RPTOR: variants seen among roughly 807,000 people sequenced by gnomAD.
RPTOR encodes regulatory associated protein of MTOR complex 1.
RPTOR carries 21 observed loss-of-function variants against 169.9 expected under a neutral mutation model. The ratio of observed to expected loss-of-function variants is 0.12; its 90% CI spans 0.09 to 0.18. RPTOR has a LOEUF of 0.18. Ranked by LOEUF, RPTOR falls within the 10% of genes least tolerant of loss-of-function variation. RPTOR has a pLI of 1.00. For missense variants in RPTOR, 1,133 were observed against 1,855.9 expected, an observed-to-expected ratio of 0.61 and a Z score of 7.16; for synonymous variants, 732 against 753.2, an observed-to-expected ratio of 0.97 and a Z score of 0.46.
At chr17:80,774,491 C>T (rs185209962) in intron 6 of RPTOR, among the ~76,000 whole-genome samples, 6 of 152,328 alleles carry the variant, frequency 3.9e-5, no homozygotes, top group East Asian at 3.9e-4. Flanking sequence ...CGCGTGCGGC[C>T]GTCTGGGGTG....
chr17:80,755,004 G>A (rs1405907748), intron 6 of RPTOR, among the ~76,000 whole-genome samples: 2 of 152,162 alleles, frequency 1.3e-5, no homozygotes, highest in Non-Finnish European at 2.9e-5. Flanking sequence ...CTCACCCACA[G>A]CCCTGGGCGG....
intron 29 of RPTOR, among the ~76,000 whole-genome samples, chr17:80,958,987 G>A (rs1373075545): frequency 1.3e-5 from 2 of 152,240 alleles, no homozygotes; most frequent in African/African-American, 4.8e-5. Flanking sequence ...TCTCTCCCGG[G>A]CAGGCCATCT....
At chr17:80,777,616 T>C (rs549899920) in intron 6 of RPTOR, among the ~76,000 whole-genome samples, 2 of 152,232 alleles carry the variant, frequency 1.3e-5, no homozygotes, top group Admixed American at 6.5e-5. Context: ...GTCCATCTTA[T>C]CTATTTTGTT....
intron 2 of RPTOR, 29 bp downstream of exon 2, chr17:80,625,822 C>T: frequency 6.6e-7 from 1 of 1,507,432 alleles, no homozygotes; most frequent in Non-Finnish European, 9.2e-7. Context: ...CGCGCTGCCA[C>T]AAAGGCCGTC....
intron 3 of RPTOR, among the ~76,000 whole-genome samples, chr17:80,663,129 G>A (rs189973274): frequency 7.9e-5 from 12 of 152,092 alleles, no homozygotes; most frequent in African/African-American, 9.7e-5. Context: ...TCTGAGACTC[G>A]TCCGGGCGGC....
intron 3 of RPTOR, among the ~76,000 whole-genome samples, chr17:80,669,993 G>T (rs2065809679): frequency 6.6e-6 from 1 of 152,272 alleles, no homozygotes; most frequent in Non-Finnish European, 1.5e-5. Flanking sequence ...GATTTGTCTT[G>T]TCTGAGTGGA....
chr17:80,880,256 A>C (rs6420478), intron 13 of RPTOR, among the ~76,000 whole-genome samples, 159 bp from the exon 14 acceptor site: 2 of 152,144 alleles, frequency 1.3e-5, no homozygotes, highest in East Asian at 1.9e-4. Flanking sequence ...GTCTGCAGGC[A>C]CCGGCTGCAG....
At chr17:80,650,004 C>T (rs920635375) in intron 3 of RPTOR, among the ~76,000 whole-genome samples, 1 of 152,238 alleles carries the variant, frequency 6.6e-6, no homozygotes, top group African/African-American at 2.4e-5. Context: ...ACCAATTGCA[C>T]CAGAGCATAA....
rs535120538 is a variant in RPTOR, at chr17:80,936,103, T to C, written c.2920-4393T>C. On this transcript the variant is annotated intron_variant, in intron 24 of 33. Transcript: ENST00000306801. This position sits in a 1 kb window ranked among gnomAD's most constrained non-coding sequence, Gnocchi z 4.1. ...ACAGGTGGCAAATAAGGACATGGAA[T>C]GATGCTCATTGTTAAGGATCTTAAT... 2.6e-5 allele frequency among the ~76,000 whole-genome samples: 4 copies of C among 152,350 alleles called. No individual in the cohort carries two copies. The highest frequency in any genetic ancestry group is 9.6e-5 in the African/African-American group (4 of 41,574).
chr17:80,780,686 C>G (rs1028560268), intron 6 of RPTOR, among the ~76,000 whole-genome samples: 9 of 152,262 alleles, frequency 5.9e-5, no homozygotes, highest in African/African-American at 2.2e-4. Flanking sequence ...TTTGCACACA[C>G]GTCAGGTGAG....
At chr17:80,827,517 C>A (rs778501552) in intron 9 of RPTOR, among the ~76,000 whole-genome samples, 2 of 152,202 alleles carry the variant, frequency 1.3e-5, no homozygotes, top group Non-Finnish European at 2.9e-5. Flanking sequence ...TCACCTAGTG[C>A]CACACACAGT....
At position 80,799,506 on chromosome 17, in the gene RPTOR, A is replaced by T. The variant is rs148003604; in HGVS notation, c.890+7997A>T. ...CTGTTTCATTCTTTTGTCTCAACTC[A>T]CCACATGGAAATTTCTTGCCCTTGA... On this transcript the variant is annotated intron_variant, in intron 7 of 33. Coordinates refer to ENST00000306801, the MANE Select transcript of RPTOR (RefSeq NM_020761.3). 3.8e-3 allele frequency among the ~76,000 whole-genome samples: 573 copies of T among 152,282 alleles called. 1 individual carries two copies. The highest frequency in any genetic ancestry group is 0.013 in the African/African-American group (551 of 41,540).
chr17:80,603,708 C>G (rs2065208102), intron 1 of RPTOR, among the ~76,000 whole-genome samples: 1 of 152,144 alleles, frequency 6.6e-6, no homozygotes, highest in African/African-American at 2.4e-5. Context: ...GCCCCGCCCC[C>G]ATGGAGGCTC....
intron 1 of RPTOR, among the ~76,000 whole-genome samples, chr17:80,625,095 G>C (rs1033928890): frequency 1.3e-5 from 2 of 152,194 alleles, no homozygotes; most frequent in African/African-American, 4.8e-5. Context: ...CTGTGGATTT[G>C]AGGGCCGAGA....
chr17:80,846,890 C>A (rs112443291), intron 11 of RPTOR, among the ~76,000 whole-genome samples: 6,729 of 152,342 alleles, frequency 0.044, 251 homozygotes, highest in Admixed American at 0.1. Flanking sequence ...CATCATCCCC[C>A]TCTCCCCTGG....
At chr17:80,771,944 C>G (rs892574559) in intron 6 of RPTOR, among the ~76,000 whole-genome samples, 46 of 152,332 alleles carry the variant, frequency 3.0e-4, no homozygotes, top group African/African-American at 1.0e-3. Context: ...CTCAGCCTCC[C>G]TGGTAACTGG....
rs900154309 is a variant in RPTOR at position 80,844,401 on chromosome 17, G to A, written c.1213-2072G>A. On this transcript the variant is annotated intron_variant, in intron 10 of 33. Transcript: ENST00000306801. The surrounding 1 kb of genome is among the most constrained non-coding windows in gnomAD (Gnocchi z 4.7). ...TCAGGCAAAGCTAATGTGATAGAAA[G>A]AAGAGGTGTAACTATCTGAATTACC... 5.3e-5 allele frequency among the ~76,000 whole-genome samples: 8 copies of A among 152,226 alleles called. No homozygotes were observed. Among genetic ancestry groups the A allele is most frequent in the African/African-American group, 1.9e-4 (8 of 41,474 alleles).
intron 3 of RPTOR, among the ~76,000 whole-genome samples, chr17:80,700,802 ATGATGG>A (rs2066093624): frequency 1.3e-3 from 8 of 5,972 alleles, no homozygotes; most frequent in Middle Eastern, 0.056. Flanking sequence ...GGTGGTGATG[ATGATGG>A]TGGTGATGGT....
chr17:80,683,617 C>T lies in RPTOR; in HGVS notation c.349-24224C>T, dbSNP rs141621617. Among the ~76,000 whole-genome samples, 324 of 152,190 alleles carry T rather than the reference C, an allele frequency of 2.1e-3. 3 individuals are homozygous for T. Among genetic ancestry groups the T allele is most frequent in the African/African-American group, 7.2e-3 (301 of 41,524 alleles). On this transcript the variant is annotated intron_variant, in intron 3 of 33. Transcript: ENST00000306801. The stretch of plus-strand genomic sequence containing the variant: ...TCTGATTGTATGTTTTTCTTCCCTT[C>T]GCCCCCATTCATTCCTTCATTCATT...
Sources: allele counts gnomAD v4.1 joint callset (sites outside exome capture counted in the v4.1 genomes callset), GRCh38; gene constraint gnomAD v4.1.1; non-coding constraint Gnocchi (gnomAD v3.1); transcripts MANE v1.5; gene names NCBI Gene and HGNC (gene_info 2026-07-23, HGNC 2026-07-21).